The following IGSF21 variants were observed in gnomAD, a reference collection of about 807,000 sequenced individuals.
The protein encoded by IGSF21 is immunoglobulin superfamily member 21.
In IGSF21, 28 loss-of-function variants were observed where a neutral mutation model predicts 46.8. The observed-to-expected ratio is 0.60, with a 90% CI of 0.44 to 0.82. The LOEUF (loss-of-function observed/expected upper bound fraction) is 0.82. Ranked by LOEUF, IGSF21 falls within the 40% of genes least tolerant of loss-of-function variation. The pLI is 0.00. For synonymous variants in IGSF21, 284 were observed against 273.6 expected, an observed-to-expected ratio of 1.04 and a Z score of -0.38; for missense variants, 624 against 665.5, an observed-to-expected ratio of 0.94 and a Z score of 0.69.
At chr1:18,227,418 T>A (rs1041770041) in intron 1 of IGSF21, among the ~76,000 whole-genome samples, 2 of 151,896 alleles carry the variant, frequency 1.3e-5, no homozygotes, top group African/African-American at 2.4e-5. Context: ...CATATTCAAA[T>A]AGGTTTGGAA....
At chr1:18,377,211 C>G (rs2086292119) in intron 8 of IGSF21, among the ~76,000 whole-genome samples, 182 bp from the exon 9 acceptor site, 2 of 152,174 alleles carry the variant, frequency 1.3e-5, no homozygotes, top group Non-Finnish European at 2.9e-5. Context: ...AACTGCTTAA[C>G]CTCTCTCACT....
intron 3 of IGSF21, among the ~76,000 whole-genome samples, chr1:18,333,118 G>A (rs1269780067): frequency 6.6e-6 from 1 of 152,184 alleles, no homozygotes; most frequent in Non-Finnish European, 1.5e-5. Flanking sequence ...ACGCCCAAGA[G>A]CCTGAGCGCC....
intron 2 of IGSF21, among the ~76,000 whole-genome samples, chr1:18,260,955 G>C (rs1306472039): frequency 6.6e-6 from 1 of 152,228 alleles, no homozygotes; most frequent in Non-Finnish European, 1.5e-5. Context: ...CAGAGTGAGG[G>C]AGCAGCAGAT....
chr1:18,370,760 A>G (rs889060991), intron 6 of IGSF21, among the ~76,000 whole-genome samples: 1 of 152,212 alleles, frequency 6.6e-6, no homozygotes, highest in African/African-American at 2.4e-5. Flanking sequence ...CAAATCAATA[A>G]TGAAAGACTA....
intron 1 of IGSF21, among the ~76,000 whole-genome samples, chr1:18,167,312 T>G (rs1239102449): frequency 4.6e-5 from 7 of 152,190 alleles, no homozygotes; most frequent in Non-Finnish European, 1.0e-4. Context: ...CTTTACCTCA[T>G]CTAATGCTAA....
chr1:18,199,726 T>C (rs1291450727), intron 1 of IGSF21, among the ~76,000 whole-genome samples: 1 of 151,848 alleles, frequency 6.6e-6, no homozygotes. Context: ...GCTGCAAAGC[T>C]CCGACTTTAT....
intron 1 of IGSF21, among the ~76,000 whole-genome samples, chr1:18,156,601 A>G (rs1218397105): frequency 6.6e-6 from 1 of 152,222 alleles, no homozygotes; most frequent in Non-Finnish European, 1.5e-5. Context: ...TACTGAGGAT[A>G]CGGAGAGAGG....
At position 18,246,766 on chromosome 1, in the gene IGSF21, C is replaced by T. The variant is rs1193799780; in HGVS notation, c.183+18756C>T. On this transcript the variant is annotated intron_variant, in intron 2 of 9. Coordinates refer to ENST00000251296, the MANE Select transcript of IGSF21 (RefSeq NM_032880.5). ...CTGCCCTGTCCACACCAACAACAGG[C>T]TTGGGAGCCTCCCAGGATCCCGGGA... is the stretch of plus-strand genomic sequence containing the variant. Among the ~76,000 whole-genome samples the T allele has an allele frequency of 2.6e-5, 4 of 152,320 alleles. No homozygotes were observed. The East Asian group carries it at 7.8e-4, about 30-fold the overall frequency.
rs1490111507 is a variant in IGSF21 at position 18,334,585 on chromosome 1, G to A, written c.306-307G>A. On this transcript the variant is annotated intron_variant, in intron 3 of 9. Transcript: ENST00000251296. This position sits in a 1 kb window ranked among gnomAD's most constrained non-coding sequence, Gnocchi z 4.3. ...ACCTCTTCACCTGTGCCATCCTCAC[G>A]GCTCCCTGGAAGTGGGCACCATCCC... Among the ~76,000 whole-genome samples the A allele has an allele frequency of 6.6e-6, 1 of 152,088 alleles. No individual in the cohort carries two copies. The highest frequency in any genetic ancestry group is 1.5e-5 in the Non-Finnish European group (1 of 68,016).
intron 2 of IGSF21, among the ~76,000 whole-genome samples, chr1:18,250,573 A>G (rs2084831853): frequency 6.6e-6 from 1 of 152,156 alleles, no homozygotes; most frequent in Non-Finnish European, 1.5e-5. Flanking sequence ...ACTACCTTCA[A>G]ACATTATATG....
At chr1:18,156,391 C>T (rs1419846851) in intron 1 of IGSF21, among the ~76,000 whole-genome samples, 5 of 152,340 alleles carry the variant, frequency 3.3e-5, no homozygotes, top group Admixed American at 1.3e-4. Context: ...CTCCTCTTCT[C>T]TCTGCAGATG....
chr1:18,299,949 T>G (rs2085345326), intron 3 of IGSF21, among the ~76,000 whole-genome samples: 1 of 152,110 alleles, frequency 6.6e-6, no homozygotes. Flanking sequence ...TCCCATCAAC[T>G]GGCCAGTGGC....
intron 5 of IGSF21, among the ~76,000 whole-genome samples, chr1:18,362,695 C>T (rs1350589175): frequency 1.3e-5 from 2 of 152,104 alleles, no homozygotes. Context: ...GGAAGCCCAT[C>T]TGAAAGGAGG....
intron 6 of IGSF21, 117 bp from the exon 7 acceptor site, chr1:18,376,193 C>A (rs1361976543): frequency 2.6e-6 from 2 of 765,616 alleles, no homozygotes; most frequent in Non-Finnish European, 2.4e-6. Context: ...GCACACTGAG[C>A]TTCTCACAGA....
chr1:18,184,729 T>A (rs2086887660), intron 1 of IGSF21, among the ~76,000 whole-genome samples: 1 of 152,188 alleles, frequency 6.6e-6, no homozygotes, highest in African/African-American at 2.4e-5. Context: ...GTTGATGACG[T>A]GCACCCTCCC....
chr1:18,159,679 G>T (rs943790679), intron 1 of IGSF21, among the ~76,000 whole-genome samples: 1 of 119,442 alleles, frequency 8.4e-6, no homozygotes, highest in African/African-American at 3.0e-5. Flanking sequence ...CCAGTCTCGG[G>T]TATGTCTTTT....
intron 3 of IGSF21, among the ~76,000 whole-genome samples, chr1:18,294,343 A>G (rs894253973): frequency 6.6e-6 from 1 of 152,150 alleles, no homozygotes; most frequent in Non-Finnish European, 1.5e-5. Flanking sequence ...TCCCACCATA[A>G]AACAAAACAA....
At chr1:18,318,896 G>A (rs149692653) in intron 3 of IGSF21, among the ~76,000 whole-genome samples, 20 of 152,112 alleles carry the variant, frequency 1.3e-4, no homozygotes, top group Non-Finnish European at 2.2e-4. Flanking sequence ...CTTTTATACC[G>A]GTTATTCCCA....
chr1:18,290,745 C>T lies in IGSF21; in HGVS notation c.184-1121C>T, dbSNP rs998354271. 8.5e-5 allele frequency among the ~76,000 whole-genome samples: 13 copies of T among 152,174 alleles called. No individual in the cohort carries two copies. Among genetic ancestry groups the T allele is most frequent in the African/African-American group, 3.1e-4 (13 of 41,450 alleles). ...GTGACAGGGGGACAGATTCACACTC[C>T]AATCCTCACCTTTTTGCCTGGGGAA... On this transcript the variant is annotated intron_variant, in intron 2 of 9. Coordinates refer to ENST00000251296, the MANE Select transcript of IGSF21 (RefSeq NM_032880.5). This position sits in a 1 kb window ranked among gnomAD's most constrained non-coding sequence, Gnocchi z 4.2.
Sources: allele counts gnomAD v4.1 joint callset (sites outside exome capture counted in the v4.1 genomes callset), GRCh38; gene constraint gnomAD v4.1.1; non-coding constraint Gnocchi (gnomAD v3.1); transcripts MANE v1.5; gene names NCBI Gene and HGNC (gene_info 2026-07-23, HGNC 2026-07-21).